Variants in SEMA3E observed in about 807,000 individuals in gnomAD.
SEMA3E encodes the protein semaphorin-3E.
Under a neutral mutation model 93.6 loss-of-function variants are expected in SEMA3E, and 49 were observed. That is an observed-to-expected ratio of 0.52 (90% CI 0.42 to 0.66). The LOEUF (loss-of-function observed/expected upper bound fraction) is 0.66, where lower values mean the gene tolerates loss of function less well. SEMA3E is among the 30% of genes least tolerant of loss of function. SEMA3E has a pLI of 0.00. For synonymous variants in SEMA3E, 363 were observed against 330.7 expected (o/e 1.10, Z -1.06); for missense variants, 906 against 964.8 (o/e 0.94, Z 0.81).
Position 83,387,109 on chromosome 7 carries a change from G to C in SEMA3E, c.1668-59C>G, listed in dbSNP as rs1473542952. 2.2e-6 allele frequency: 3 copies of C among 1,369,966 alleles called. No individual in the cohort carries two copies. In the African/African-American group the frequency reaches 4.3e-5, roughly 20 times the overall value. The allele number at this position is 1,369,966 out of a possible 1,614,324, so 84.9% of individuals were successfully genotyped here. On this transcript the variant is annotated intron_variant, in intron 14 of 16. Transcript: ENST00000643230. ...TTTTCAATTTTCCAGACTTTAAAATGCAGCCAATTGCATTTCATATACAAG... is the reference window on the plus strand; with the variant it reads ...TTTTCAATTTTCCAGACTTTAAAATCCAGCCAATTGCATTTCATATACAAG...
chr7:83,646,764 A>G (rs1584385299), intron 1 of SEMA3E, among the ~76,000 whole-genome samples: 4 of 152,136 alleles, frequency 2.6e-5, no homozygotes, highest in African/African-American at 9.6e-5. Flanking sequence ...GAACTTTGGT[A>G]TTTTTTGATC....
intron 4 of SEMA3E, among the ~76,000 whole-genome samples, chr7:83,463,372 C>G (rs1334834800): frequency 1.8e-4 from 27 of 152,250 alleles, no homozygotes; most frequent in African/African-American, 6.0e-4. Flanking sequence ...GCTCAACTCA[C>G]TCTCTACAGT....
At chr7:83,521,806 G>A (rs1031298642) in intron 1 of SEMA3E, among the ~76,000 whole-genome samples, 1 of 152,084 alleles carries the variant, frequency 6.6e-6, no homozygotes, top group Non-Finnish European at 1.5e-5. Flanking sequence ...CTAATCCTAT[G>A]AGGGCCCCAC....
intron 11 of SEMA3E, among the ~76,000 whole-genome samples, chr7:83,397,556 A>G (rs1039745592): frequency 6.6e-6 from 1 of 152,176 alleles, no homozygotes; most frequent in Non-Finnish European, 1.5e-5. Context: ...AAGTGTTTGT[A>G]CCAGTCATTT....
At chr7:83,587,822 A>G (rs1792662802) in intron 1 of SEMA3E, among the ~76,000 whole-genome samples, 1 of 151,964 alleles carries the variant, frequency 6.6e-6, no homozygotes, top group Non-Finnish European at 1.5e-5. Flanking sequence ...ATATGCAACT[A>G]TGTTGTGTAA....
intron 1 of SEMA3E, among the ~76,000 whole-genome samples, chr7:83,597,520 C>T (rs898503099): frequency 1.3e-5 from 2 of 152,126 alleles, no homozygotes; most frequent in African/African-American, 4.8e-5. Context: ...CTGTGTCTTT[C>T]TCAACACAAG....
chr7:83,407,305 C>G, intron 6 of SEMA3E, 66 bp from the exon 7 acceptor site: 11 of 1,304,164 alleles, frequency 8.4e-6, no homozygotes, highest in Non-Finnish European at 1.1e-5. Flanking sequence ...ACAAGTTATT[C>G]CAATAAATTG....
intron 1 of SEMA3E, among the ~76,000 whole-genome samples, chr7:83,521,463 G>A (rs1791048334): frequency 6.6e-6 from 1 of 152,110 alleles, no homozygotes; most frequent in East Asian, 1.9e-4. Flanking sequence ...CTGGAATTTT[G>A]TTTTAAGTTT....
intron 1 of SEMA3E, among the ~76,000 whole-genome samples, chr7:83,633,156 C>T (rs1202680621): frequency 6.6e-6 from 1 of 151,896 alleles, no homozygotes; most frequent in Non-Finnish European, 1.5e-5. Context: ...TTATTCCTTC[C>T]TCCTTTTCCT....
At chr7:83,402,255 T>C (rs1301654221) in intron 10 of SEMA3E, among the ~76,000 whole-genome samples, 5 of 152,090 alleles carry the variant, frequency 3.3e-5, no homozygotes, top group Admixed American at 2.0e-4. Flanking sequence ...ATTGTCCTGC[T>C]TGGAAATTAT....
intron 4 of SEMA3E, among the ~76,000 whole-genome samples, chr7:83,421,434 T>C (rs1448863391): frequency 7.0e-6 from 1 of 142,124 alleles, no homozygotes; most frequent in Non-Finnish European, 1.6e-5. Flanking sequence ...AAATTCTCAT[T>C]AAAGGTTGTT....
intron 2 of SEMA3E, among the ~76,000 whole-genome samples, chr7:83,478,510 G>A (rs1361400727): frequency 2.6e-5 from 4 of 152,158 alleles, no homozygotes; most frequent in Admixed American, 2.0e-4. Flanking sequence ...TTTCAAATGT[G>A]TACAGATTGC....
chr7:83,491,503 A>G (rs1197142925), intron 1 of SEMA3E, among the ~76,000 whole-genome samples: 3 of 152,008 alleles, frequency 2.0e-5, no homozygotes, highest in East Asian at 1.9e-4. Flanking sequence ...GCTAAAATCA[A>G]TGTATCCCTT....
At position 83,645,921 on chromosome 7, in the gene SEMA3E, T is replaced by C. The variant is rs149221581; in HGVS notation, c.115+2507A>G. On this transcript the variant is annotated intron_variant, in intron 1 of 16. Transcript: ENST00000643230. ...AATTTAACTCACGCTCTGTATATGA[T>C]AAACTTTCTCCTCCTCCTTGGGAAG... Among the ~76,000 whole-genome samples, 959 of 152,196 alleles carry C rather than the reference T, an allele frequency of 6.3e-3. 10 individuals carry two copies. The highest frequency in any genetic ancestry group is 0.022 in the African/African-American group (923 of 41,558).
chr7:83,431,110 C>A (rs1006283994), intron 4 of SEMA3E, among the ~76,000 whole-genome samples: 2 of 127,300 alleles, frequency 1.6e-5, no homozygotes, highest in Non-Finnish European at 3.3e-5. Context: ...AAAAAAAAGC[C>A]CAAGTGAACA....
At chr7:83,598,626 C>T (rs144720854) in intron 1 of SEMA3E, among the ~76,000 whole-genome samples, 3 of 152,202 alleles carry the variant, frequency 2.0e-5, no homozygotes, top group Non-Finnish European at 4.4e-5. Flanking sequence ...ATAATGCTAG[C>T]GGTTTGCTGC....
At chr7:83,452,488 G>A (rs1486926839) in intron 4 of SEMA3E, among the ~76,000 whole-genome samples, 2 of 152,130 alleles carry the variant, frequency 1.3e-5, no homozygotes, top group Non-Finnish European at 2.9e-5. Flanking sequence ...TTTCTCTCAG[G>A]GCCTTCTCTT....
intron 4 of SEMA3E, among the ~76,000 whole-genome samples, chr7:83,441,184 C>A (rs1189127079): frequency 1.3e-5 from 2 of 151,954 alleles, no homozygotes; most frequent in Non-Finnish European, 2.9e-5. Context: ...ATGGATACAG[C>A]CAAAAGGATT....
Position 83,396,729 on chromosome 7 carries a change from T to A in SEMA3E, c.1367A>T (p.Asp456Val). 2 of 1,586,180 alleles carry A rather than the reference T, an allele frequency of 1.3e-6. No homozygotes were observed. The highest frequency in any genetic ancestry group is 1.7e-6 in the Non-Finnish European group (2 of 1,157,486). ...GATTACTTTCAGCACAATTCCATTA[T>A]CTGTAAGAAAACAAAACAAGAAATA... ...GQYDVLFIGT[D>V]NGIVLKVITI... The change falls in exon 12 of 17, where the codon GAT becomes GTT. Residue 456 changes from aspartate to valine, a missense_variant and splice_region_variant. Coordinates refer to ENST00000643230, the MANE Select transcript of SEMA3E (RefSeq NM_012431.3).
Sources: gnomAD v4.1 joint callset for allele counts (sites outside exome capture counted in the v4.1 genomes callset) on GRCh38, gnomAD v4.1.1 for gene constraint, MANE v1.5 for transcripts, NCBI Gene and HGNC (gene_info 2026-07-23, HGNC 2026-07-21) for gene names.